GCN1: variants seen among roughly 807,000 people sequenced by gnomAD.
GCN1 encodes stalled ribosome sensor GCN1.
GCN1 carries 90 observed loss-of-function variants against 288.4 expected under a neutral mutation model. The ratio of observed to expected loss-of-function variants is 0.31; its 90% CI spans 0.26 to 0.37. The LOEUF is 0.37. Among genes scored for constraint, GCN1 ranks in the 10% least tolerant of loss-of-function variants. GCN1 has a pLI of 1.00. For missense variants in GCN1, 2,586 were observed against 3,419.9 expected (o/e 0.76, Z 6.08); for synonymous variants, 1,386 against 1,420.2 (o/e 0.98, Z 0.54).
At position 120,155,174 on chromosome 12, in the gene GCN1, C is replaced by G; in HGVS notation, c.3630+67G>C. 1 of 1,536,960 alleles carries G rather than the reference C, an allele frequency of 6.5e-7. No homozygotes were observed. The highest frequency in any genetic ancestry group is 9.0e-7 in the Non-Finnish European group (1 of 1,110,642). ...CCGAGATTCCTGTCTGGAGCAGTAG[C>G]GGGGTGAGCAGAGACCCACCCAACC... On this transcript the variant is annotated intron_variant, in intron 30 of 57. Coordinates refer to ENST00000300648, the MANE Select transcript of GCN1 (RefSeq NM_006836.2). This position sits in a 1 kb window ranked among gnomAD's most constrained non-coding sequence, Gnocchi z 4.9.
Position 120,137,508 on chromosome 12 carries a change from A to T in GCN1, c.6663+37T>A, listed in dbSNP as rs1219689570. Reference sequence around the variant, plus strand: ...CCTGTAAATGTCTGGAATTTTCTAAAAGCAAAAGTTGGCTGTGGGGTCAGC... The same window carrying T: ...CCTGTAAATGTCTGGAATTTTCTAATAGCAAAAGTTGGCTGTGGGGTCAGC... On this transcript the variant is annotated intron_variant, in intron 49 of 57. Coordinates refer to ENST00000300648, the MANE Select transcript of GCN1 (RefSeq NM_006836.2). The surrounding 1 kb of genome is among the most constrained non-coding windows in gnomAD (Gnocchi z 5.2). 6.2e-7 allele frequency: 1 copy of T among 1,603,058 alleles called. No individual in the cohort carries two copies. Among genetic ancestry groups the T allele is most frequent in the Non-Finnish European group, 8.5e-7 (1 of 1,172,100 alleles).
In GCN1 at chr12:120,178,849, C is replaced by T; in HGVS notation, c.525+3G>A. On this transcript the variant is annotated splice_donor_region_variant and intron_variant, in intron 6 of 57. Transcript: ENST00000300648. Reference sequence around the variant, plus strand: ...TGCCCACCAGCCCCTGCAGTCCTGTCACCTCTTTCCACAGCTTCGTGAGTT... The same window carrying T: ...TGCCCACCAGCCCCTGCAGTCCTGTTACCTCTTTCCACAGCTTCGTGAGTT... The T allele has an allele frequency of 1.2e-6, 2 of 1,614,094 alleles. No homozygotes were observed. Among genetic ancestry groups the T allele is most frequent in the Non-Finnish European group, 1.7e-6 (2 of 1,179,940 alleles).
chr12:120,143,307 G>A (rs1877255962), intron 42 of GCN1, among the ~76,000 whole-genome samples: 1 of 152,232 alleles, frequency 6.6e-6, no homozygotes, highest in Non-Finnish European at 1.5e-5. Flanking sequence ...TTCAGGCCAG[G>A]TGTGGTGGCT....
At chr12:120,154,284 T>C (rs562691352) in intron 31 of GCN1, among the ~76,000 whole-genome samples, 4 of 152,308 alleles carry the variant, frequency 2.6e-5, no homozygotes, top group South Asian at 4.1e-4. Flanking sequence ...GGGCAAAGTG[T>C]TGTTACTCTT....
chr12:120,172,532 CAG>C (rs1469035661), intron 14 of GCN1, among the ~76,000 whole-genome samples: 1 of 152,116 alleles, frequency 6.6e-6, no homozygotes, highest in Non-Finnish European at 1.5e-5. Context: ...TTTTTTGAGA[CAG>C]AGTATCACTC....
chr12:120,148,035 C>T (rs1877416617), intron 37 of GCN1, 132 bp downstream of exon 37: 4 of 648,134 alleles, frequency 6.2e-6, no homozygotes, highest in South Asian at 5.9e-5. Context: ...ACTCAGTGTC[C>T]CTATTTCACT....
At chr12:120,150,624 C>A (rs777394923) in intron 34 of GCN1, among the ~76,000 whole-genome samples, 10 of 151,048 alleles carry the variant, frequency 6.6e-5, no homozygotes, top group Non-Finnish European at 1.5e-4. Flanking sequence ...AAACCTCTCT[C>A]AGCTAAGGGT....
rs1189102576 is a variant in GCN1 at position 120,160,181 on chromosome 12, C to A, written c.2511G>T (p.Gln837His). The A allele has an allele frequency of 6.2e-7, 1 of 1,612,408 alleles. No homozygotes were observed. Among genetic ancestry groups the A allele is most frequent in the Non-Finnish European group, 8.5e-7 (1 of 1,179,962 alleles). ...TSKQKEMLQA[Q>H]LDREAQVRRR... The stretch of plus-strand genomic sequence containing the variant: ...TCCGGACCTGCGCCTCCCTGTCTAG[C>A]TGGGCCTGCAGCATCTCCTTCTGCT... The change falls in exon 23 of 58, where the codon CAG (glutamine) becomes CAT (histidine). Residue 837 changes from glutamine to histidine, a missense_variant. Around this residue, in one of 8 missense-constraint regions of GCN1, gnomAD observed 913 missense variants for 1,107.0 expected, o/e 0.82. Transcript: ENST00000300648.
At chr12:120,145,791 T>C (rs1051738262) in intron 38 of GCN1, among the ~76,000 whole-genome samples, 1 of 152,214 alleles carries the variant, frequency 6.6e-6, no homozygotes, top group African/African-American at 2.4e-5. Flanking sequence ...CACTGCAGCA[T>C]CACTTAAAAT....
At position 120,137,130 on chromosome 12, in the gene GCN1, C is replaced by G; in HGVS notation, c.6777+76G>C. ...CTGCTCCAGCAGCCCCTACCGCAGA[C>G]CTGGGACAGGGGTAAGGGCCAGAAG... On this transcript the variant is annotated intron_variant, in intron 50 of 57. Transcript: ENST00000300648. This position sits in a 1 kb window ranked among gnomAD's most constrained non-coding sequence, Gnocchi z 5.2. 9.5e-7 allele frequency: 1 copy of G among 1,055,204 alleles called. No homozygotes were observed. Among genetic ancestry groups the G allele is most frequent in the East Asian group, 2.4e-5 (1 of 41,992 alleles). The allele number at this position is 1,055,204 out of a possible 1,614,324, so 65.4% of individuals were successfully genotyped here.
Position 120,153,552 on chromosome 12 carries a change from G to A in GCN1, c.3868-145C>T. 1.1e-6 allele frequency: 1 copy of A among 893,446 alleles called. No individual in the cohort carries two copies. Among genetic ancestry groups the A allele is most frequent in the Non-Finnish European group, 1.7e-6 (1 of 588,612 alleles). The allele number at this position is 893,446 out of a possible 1,614,324, so 55.3% of individuals were successfully genotyped here. A position where few individuals can be genotyped will look rare whatever the true frequency, so the allele number is the denominator to read the frequency against. On this transcript the variant is annotated intron_variant, in intron 32 of 57. Transcript: ENST00000300648. The surrounding 1 kb of genome is among the most constrained non-coding windows in gnomAD (Gnocchi z 4.4). ...AGCCAGTGGCTCTTCCAGTTTTCTG[G>A]CAGGACTGCCACAGACTTAAAAGAA...
At position 120,184,238 on chromosome 12, in the gene GCN1, G is replaced by A; in HGVS notation, c.191C>T (p.Ala64Val). ...TGCCTGCAAGGCCCTGCGGGAGGCT[G>A]CATCTCTAGGGGGAGAGGCAAAGGA... ...FCLTLHRYRD[A>V]ASRRALQAAI... Residue 64 changes from alanine to valine, a missense_variant, in exon 4 of 58, where the codon GCA becomes GTA. Physicochemically the swap from Ala to Val is moderately conservative, Grantham distance 64. Coordinates refer to ENST00000300648, the MANE Select transcript of GCN1 (RefSeq NM_006836.2). 1 of 1,612,504 alleles carries A rather than the reference G, an allele frequency of 6.2e-7. No individual in the cohort carries two copies.
Position 120,173,713 on chromosome 12 carries a change from T to C in GCN1, c.1306A>G (p.Lys436Glu). The change falls in exon 14 of 58, where the codon AAA becomes GAA. Residue 436 changes from lysine to glutamate, a missense_variant. Lys to Glu is a moderately conservative substitution (Grantham distance 56). Around this residue, in one of 8 missense-constraint regions of GCN1, gnomAD observed 913 missense variants for 1,107.0 expected, o/e 0.82. Coordinates refer to ENST00000300648, the MANE Select transcript of GCN1 (RefSeq NM_006836.2). ...TGCCTCACCGCAGATGTGGAGGTTT[T>C]AAGGCTGAAAGCTTTTTTGAACCAT... ...TEWFKKAFSLKTSTSAVRHAY... is the reference protein window; with the variant it reads ...TEWFKKAFSLETSTSAVRHAY... 1 of 1,613,256 alleles carries C rather than the reference T, an allele frequency of 6.2e-7. No homozygotes were observed. Among genetic ancestry groups the C allele is most frequent in the Non-Finnish European group, 8.5e-7 (1 of 1,179,180 alleles).
At chr12:120,154,026 G>C (rs1479846099) in intron 31 of GCN1, 117 bp from the exon 32 acceptor site, 1 of 817,168 alleles carries the variant, frequency 1.2e-6, no homozygotes, top group Non-Finnish European at 1.9e-6. Context: ...CACTGTTTTG[G>C]GGGCAGAGAA....
chr12:120,159,844 G>A lies in GCN1; in HGVS notation c.2730C>T (p.Pro910=). 9 of 1,614,106 alleles carry A rather than the reference G, an allele frequency of 5.6e-6. No individual in the cohort carries two copies. Among genetic ancestry groups the A allele is most frequent in the Non-Finnish European group, 7.6e-6 (9 of 1,179,970 alleles). ...ACTAACCCAAAGCCTTGAGCCTAGA[G>A]GGCATGACACAGGCAGCCAAGGACA... is the stretch of plus-strand genomic sequence containing the variant. ...PFLSLAACVM[P]SRLKALGTLV... The change falls in exon 24 of 58, where the codon CCC becomes CCT. Residue 910 remains proline (P), a synonymous_variant. Transcript: ENST00000300648.
intron 53 of GCN1, 122 bp from the exon 54 acceptor site, chr12:120,132,144 G>A (rs1876847739): frequency 1.5e-6 from 1 of 673,384 alleles, no homozygotes; most frequent in African/African-American, 1.8e-5. Flanking sequence ...AGCCAACTCA[G>A]AGACTCAAGA....
chr12:120,147,039 G>A lies in GCN1; in HGVS notation c.4947+13C>T, dbSNP rs370284202. ...TCTGGTCTATCCCACACTAGCCTCA[G>A]CTGGGCCGCTACCTTCTGGTCTGTC... On this transcript the variant is annotated intron_variant, in intron 38 of 57. Coordinates refer to ENST00000300648, the MANE Select transcript of GCN1 (RefSeq NM_006836.2). The A allele has an allele frequency of 2.5e-5, 37 of 1,501,948 alleles. No individual in the cohort carries two copies. Among genetic ancestry groups the A allele is most frequent in the African/African-American group, 4.1e-5 (3 of 73,084 alleles). The allele number at this position is 1,501,948 out of a possible 1,614,324, so 93.0% of individuals were successfully genotyped here. A position where few individuals can be genotyped will look rare whatever the true frequency, so the allele number is the denominator to read the frequency against.
intron 20 of GCN1, 109 bp downstream of exon 20, chr12:120,162,738 C>G (rs1270367978): frequency 1.6e-6 from 2 of 1,255,458 alleles, no homozygotes; most frequent in Admixed American, 2.1e-5. Flanking sequence ...GGGTCCAAGC[C>G]TACATTTCAT....
chr12:120,153,247 T>A lies in GCN1; in HGVS notation c.4028A>T (p.Lys1343Met). The change falls in exon 33 of 58, where the codon AAG becomes ATG. Residue 1343 changes from lysine (K) to methionine (M), a missense_variant. Coordinates refer to ENST00000300648, the MANE Select transcript of GCN1 (RefSeq NM_006836.2). This position sits in a 1 kb window ranked among gnomAD's most constrained non-coding sequence, Gnocchi z 4.4. ...GGGGGTGGAGAGGGCAGCGATGAGCTTGGCAACAATGGGCTTCACTTTGGG... is the reference window on the plus strand; with the variant it reads ...GGGGGTGGAGAGGGCAGCGATGAGCATGGCAACAATGGGCTTCACTTTGGG... ...SDPKVKPIVA[K>M]LIAALSTPSQ... The A allele has an allele frequency of 6.2e-7, 1 of 1,614,220 alleles. No individual in the cohort carries two copies. The highest frequency in any genetic ancestry group is 8.5e-7 in the Non-Finnish European group (1 of 1,180,040).
Sources: gnomAD v4.1 joint callset for allele counts (sites outside exome capture counted in the v4.1 genomes callset) on GRCh38, gnomAD v4.1.1 for gene constraint, gnomAD v4.1.1 regional missense constraint, Gnocchi (gnomAD v3.1) non-coding constraint, MANE v1.5 for transcripts, NCBI Gene and HGNC (gene_info 2026-07-23, HGNC 2026-07-21) for gene names.